STPG2: variants seen among roughly 807,000 people sequenced by gnomAD.
STPG2 encodes sperm-tail PG-rich repeat-containing protein 2.
Under a neutral mutation model 54.2 loss-of-function variants are expected in STPG2, and 56 were observed. The observed-to-expected ratio is 1.03, with a 90% confidence interval of 0.83 to 1.29. The LOEUF is 1.29. Ranked by LOEUF, STPG2 falls within the 50% of genes most tolerant of loss-of-function variation. STPG2 has a pLI of 0.00. For synonymous variants in STPG2, 200 were observed against 181.8 expected, an observed-to-expected ratio of 1.10 and a Z score of -0.81; for missense variants, 596 against 544.9, an observed-to-expected ratio of 1.09 and a Z score of -0.93.
chr4:97,960,823 C>G (rs1400931922), intron 7 of STPG2, among the ~76,000 whole-genome samples: 3 of 151,632 alleles, frequency 2.0e-5, no homozygotes, highest in Admixed American at 6.6e-5. Flanking sequence ...ACCATCATCA[C>G]CCTCACAGAA....
chr4:97,902,677 G>A (rs1349661144), intron 8 of STPG2, among the ~76,000 whole-genome samples: 1 of 152,020 alleles, frequency 6.6e-6, no homozygotes, highest in Non-Finnish European at 1.5e-5. Context: ...AGAAAAGAAA[G>A]CTCTTACATA....
At chr4:97,500,754 A>T (rs1730706655) in intron 4 of STPG2, among the ~76,000 whole-genome samples, 1 of 152,036 alleles carries the variant, frequency 6.6e-6, no homozygotes, top group Non-Finnish European at 1.5e-5. Context: ...TAAGATGAGG[A>T]CCGAGAATTG....
chr4:97,885,389 C>A (rs1041139066), intron 8 of STPG2, among the ~76,000 whole-genome samples: 4 of 152,162 alleles, frequency 2.6e-5, no homozygotes, highest in Non-Finnish European at 2.9e-5. Context: ...TTTACTTCCA[C>A]TTTCTAAATA....
intron 5 of STPG2, among the ~76,000 whole-genome samples, chr4:98,009,085 T>C (rs1350583960): frequency 6.6e-6 from 1 of 152,062 alleles, no homozygotes; most frequent in African/African-American, 2.4e-5. Flanking sequence ...AACCCAACTC[T>C]TATTTTCATT....
At chr4:98,068,471 G>C (rs916141574) in intron 5 of STPG2, among the ~76,000 whole-genome samples, 2 of 152,018 alleles carry the variant, frequency 1.3e-5, no homozygotes, top group African/African-American at 4.8e-5. Flanking sequence ...AATATCTGTT[G>C]AATAAATTAT....
intron 1 of STPG2, among the ~76,000 whole-genome samples, chr4:98,135,984 T>C (rs1740123670): frequency 6.6e-6 from 1 of 151,304 alleles, no homozygotes; most frequent in Admixed American, 6.6e-5. Flanking sequence ...CTCAGGAAAA[T>C]ATGACCCATA....
chr4:97,701,681 G>C (rs1723782284), intron 10 of STPG2, among the ~76,000 whole-genome samples: 1 of 152,158 alleles, frequency 6.6e-6, no homozygotes, highest in Admixed American at 6.5e-5. Flanking sequence ...AACCTAGAAG[G>C]TTTCTGCTTA....
rs938107433 is a variant in STPG2, at chr4:97,684,742, A to G, written c.1320+27957T>C. ...CAACACATATAAGCAAAAATTTGAT[A>G]AGTTGCTCTTCATTAAAATTAAAAA... On this transcript the variant is annotated intron_variant, in intron 10 of 10. Transcript: ENST00000295268. Among the ~76,000 whole-genome samples the G allele has an allele frequency of 8.6e-5, 13 of 151,996 alleles. No individual in the cohort carries two copies. The East Asian group carries it at 2.5e-3, about 29-fold the overall frequency.
At chr4:97,913,604 T>A (rs1191382988) in intron 8 of STPG2, among the ~76,000 whole-genome samples, 1 of 152,140 alleles carries the variant, frequency 6.6e-6, no homozygotes, top group Non-Finnish European at 1.5e-5. Context: ...GATAGGTAAT[T>A]CCAAGTTTGG....
intron 8 of STPG2, among the ~76,000 whole-genome samples, chr4:97,883,816 A>G (rs1488966576): frequency 6.6e-6 from 1 of 152,194 alleles, no homozygotes; most frequent in Non-Finnish European, 1.5e-5. Flanking sequence ...AGAGAGAGAA[A>G]GAAGGCTTCT....
At chr4:97,635,951 G>C (rs1477275160) in intron 10 of STPG2, among the ~76,000 whole-genome samples, 1 of 144,766 alleles carries the variant, frequency 6.9e-6, no homozygotes, top group Non-Finnish European at 1.5e-5. Flanking sequence ...AAGTCAACAA[G>C]GACACCCAGG....
intron 4 of STPG2, among the ~76,000 whole-genome samples, chr4:97,551,020 A>G (rs1370872153): frequency 1.4e-5 from 2 of 144,120 alleles, no homozygotes; most frequent in Non-Finnish European, 2.9e-5. Flanking sequence ...AGGGGACCCC[A>G]TTGGGTTGCC....
At chr4:97,990,196 T>C (rs1734960118) in intron 5 of STPG2, among the ~76,000 whole-genome samples, 2 of 152,212 alleles carry the variant, frequency 1.3e-5, no homozygotes, top group South Asian at 4.1e-4. Flanking sequence ...ACTTCCTTTT[T>C]CTTTTCTTCT....
intron 8 of STPG2, among the ~76,000 whole-genome samples, chr4:97,894,825 G>A (rs9993299): frequency 0.25 from 37,242 of 151,716 alleles, 5,329 homozygotes; most frequent in Middle Eastern, 0.36. Context: ...TAAGGCTAGC[G>A]AGCAAAAGCA....
At chr4:97,618,548 A>G (rs1733929131) in intron 10 of STPG2, among the ~76,000 whole-genome samples, 2 of 152,244 alleles carry the variant, frequency 1.3e-5, no homozygotes, top group Non-Finnish European at 2.9e-5. Flanking sequence ...TCAGAAAATG[A>G]CAAACCTTGA....
intron 10 of STPG2, among the ~76,000 whole-genome samples, chr4:97,642,156 T>A (rs953390670): frequency 4.6e-5 from 7 of 151,372 alleles, no homozygotes; most frequent in African/African-American, 1.7e-4. Context: ...ATTTGTAGAG[T>A]GTTTTATAGG....
chr4:97,761,295 G>T (rs1725880924), intron 9 of STPG2, among the ~76,000 whole-genome samples: 2 of 152,104 alleles, frequency 1.3e-5, no homozygotes, highest in South Asian at 4.1e-4. Context: ...AATCCAATAT[G>T]ACTGGTGTTC....
intron 10 of STPG2, among the ~76,000 whole-genome samples, chr4:97,619,854 C>T (rs539815469): frequency 6.8e-6 from 1 of 146,096 alleles, no homozygotes; most frequent in Admixed American, 7.0e-5. Context: ...GACAGAGTCT[C>T]GCTCTCTCTC....
At chr4:97,788,474 G>C (rs1268032400) in intron 9 of STPG2, among the ~76,000 whole-genome samples, 2 of 152,014 alleles carry the variant, frequency 1.3e-5, no homozygotes, top group East Asian at 3.9e-4. Flanking sequence ...CCATTCATCT[G>C]TTGATGGACA....
Sources: allele counts gnomAD v4.1 joint callset (sites outside exome capture counted in the v4.1 genomes callset), GRCh38; gene constraint gnomAD v4.1.1; transcripts MANE v1.5; gene names NCBI Gene and HGNC (gene_info 2026-07-23, HGNC 2026-07-21).